The following USP13 variants were observed in gnomAD, a reference collection of about 807,000 sequenced individuals.
USP13 encodes the protein ubiquitin specific peptidase 13.
USP13 carries 68 observed loss-of-function variants against 107.8 expected under a neutral mutation model. The observed-to-expected ratio is 0.63, with a 90% CI of 0.52 to 0.77. The LOEUF is 0.77. Ranked by LOEUF, USP13 falls within the 30% of genes least tolerant of loss-of-function variation. USP13 has a pLI of 0.00. For synonymous variants in USP13, 377 were observed against 389.5 expected, an observed-to-expected ratio of 0.97 and a Z score of 0.38; for missense variants, 945 against 1,093.3, an observed-to-expected ratio of 0.86 and a Z score of 1.91.
chr3:179,745,316 T>C, intron 13 of USP13, 99 bp downstream of exon 13: 2 of 1,437,772 alleles, frequency 1.4e-6, no homozygotes, highest in Admixed American at 4.1e-5. Flanking sequence ...TGTGTCTGTG[T>C]GTGTTTGTTC....
Position 179,653,325 on chromosome 3 carries a change from A to G in USP13, c.100A>G (p.Thr34Ala). Residue 34 changes from threonine (T) to alanine (A), a missense_variant, in exon 1 of 21, where the codon ACG becomes GCG. By Grantham distance (58) the Thr-to-Ala change is moderately conservative. Coordinates refer to ENST00000263966, the MANE Select transcript of USP13 (RefSeq NM_003940.3). The surrounding 1 kb of genome is among the most constrained non-coding windows in gnomAD (Gnocchi z 4.0). ...IGELLVPHMP[T>A]IRVPRSGDRV... ...CGAGCTGCTAGTGCCCCACATGCCC[A>G]CGATCCGCGTGCCCAGGTCCGGCGA... 1.3e-6 allele frequency: 2 copies of G among 1,578,672 alleles called. No individual in the cohort carries two copies. The highest frequency in any genetic ancestry group is 1.7e-6 in the Non-Finnish European group (2 of 1,162,758).
At chr3:179,730,816 A>G in intron 10 of USP13, 107 bp downstream of exon 10, 1 of 986,300 alleles carries the variant, frequency 1.0e-6, no homozygotes, top group Non-Finnish European at 1.6e-6. Flanking sequence ...GCAAGCTGTC[A>G]GAATAGTAAT....
intron 19 of USP13, among the ~76,000 whole-genome samples, chr3:179,768,540 G>GGATATAAA (rs1715250799): frequency 1.3e-5 from 2 of 152,174 alleles, no homozygotes; most frequent in Admixed American, 6.5e-5. Context: ...AAGATATGCA[G>GGATATAAA]GATATAAAGG....
intron 1 of USP13, among the ~76,000 whole-genome samples, chr3:179,676,133 G>T (rs759074752): frequency 1.3e-5 from 2 of 152,188 alleles, no homozygotes; most frequent in Non-Finnish European, 1.5e-5. Context: ...CCTTCCAGCC[G>T]CCCTGTGAAG....
At chr3:179,661,332 C>T (rs752182944) in intron 1 of USP13, among the ~76,000 whole-genome samples, 4 of 152,160 alleles carry the variant, frequency 2.6e-5, no homozygotes, top group Non-Finnish European at 5.9e-5. Flanking sequence ...TTAATTTTAG[C>T]TCAACCATAG....
chr3:179,682,385 GCTTC>G (rs143666628), intron 2 of USP13, among the ~76,000 whole-genome samples: 95,689 of 151,516 alleles, frequency 0.63, 31,504 homozygotes, highest in Admixed American at 0.74. Flanking sequence ...AAGAAATAGA[GCTTC>G]CTTAAAAATT....
At chr3:179,687,089 C>T (rs967184784) in intron 2 of USP13, among the ~76,000 whole-genome samples, 8 of 152,216 alleles carry the variant, frequency 5.3e-5, no homozygotes, top group Non-Finnish European at 1.2e-4. Context: ...ATTAATATCT[C>T]TCTGGAGGTG....
At chr3:179,730,521 C>G in intron 9 of USP13, 95 bp from the exon 10 acceptor site, 1 of 1,035,968 alleles carries the variant, frequency 9.7e-7, no homozygotes, top group Non-Finnish European at 1.4e-6. Context: ...CTCCACCTAA[C>G]AGCAGTTGTA....
intron 13 of USP13, among the ~76,000 whole-genome samples, chr3:179,750,326 G>GTGTATATATATATATATATATATA (rs1553797370): frequency 4.0e-5 from 3 of 75,828 alleles, no homozygotes; most frequent in African/African-American, 1.2e-4. Context: ...ATATATGTGT[G>GTGTATATATATATATATATATATA]TATATATATA....
chr3:179,775,505 G>A (rs1021934762), intron 19 of USP13, among the ~76,000 whole-genome samples: 23 of 152,268 alleles, frequency 1.5e-4, no homozygotes, highest in East Asian at 3.8e-4. Context: ...CGCCAGTTCC[G>A]CGCCACGCGC....
chr3:179,730,193 G>A lies in USP13; in HGVS notation c.1093G>A (p.Val365Ile). 1 of 1,613,196 alleles carries A rather than the reference G, an allele frequency of 6.2e-7. No individual in the cohort carries two copies. The highest frequency in any genetic ancestry group is 8.5e-7 in the Non-Finnish European group (1 of 1,179,628). The change falls in exon 9 of 21, where the codon GTA becomes ATA. Residue 365 changes from valine (V) to isoleucine (I), a missense_variant. By Grantham distance (29) the Val-to-Ile change is conservative. Transcript: ENST00000263966. Reference protein sequence around the residue: ...FSIPEFQRAYVGNLPRIFDYS... With the variant: ...FSIPEFQRAYIGNLPRIFDYS... ...CTATTGCCTCTCATTTTCTAGGTAT[G>A]TAGGAAACCTTCCCAGAATATTTGA...
chr3:179,688,313 C>G (rs947566179), intron 2 of USP13, among the ~76,000 whole-genome samples: 1 of 152,186 alleles, frequency 6.6e-6, no homozygotes, highest in Non-Finnish European at 1.5e-5. Context: ...CACCCTTTTC[C>G]TCAAATGAAC....
At chr3:179,666,636 T>C (rs1020615645) in intron 1 of USP13, among the ~76,000 whole-genome samples, 2 of 152,154 alleles carry the variant, frequency 1.3e-5, no homozygotes, top group Non-Finnish European at 2.9e-5. Context: ...CTGAAACCTC[T>C]CTCCTGCCCC....
chr3:179,755,146 A>G (rs539253462), intron 15 of USP13, among the ~76,000 whole-genome samples: 45 of 152,316 alleles, frequency 3.0e-4, no homozygotes, highest in Admixed American at 2.4e-3. Flanking sequence ...CCTTTGGACA[A>G]CCTAAAGGGG....
chr3:179,680,621 C>A (rs984579025), intron 1 of USP13, among the ~76,000 whole-genome samples: 5 of 152,074 alleles, frequency 3.3e-5, no homozygotes, highest in African/African-American at 1.2e-4. Flanking sequence ...TAGCTCACTG[C>A]AACCTCCACC....
intron 15 of USP13, 62 bp downstream of exon 15, chr3:179,754,916 C>G: frequency 6.6e-7 from 1 of 1,514,286 alleles, no homozygotes; most frequent in Non-Finnish European, 8.9e-7. Context: ...GGAACAGTCT[C>G]TTTCTTCCAC....
chr3:179,698,108 G>T lies in USP13; in HGVS notation c.356-2900G>T, dbSNP rs1576933208. 2.0e-5 allele frequency among the ~76,000 whole-genome samples: 3 copies of T among 152,142 alleles called. No homozygotes were observed. The South Asian group carries it at 6.2e-4, about 32-fold the overall frequency. ...TAGTGTGTGCCAGGCACAGTACAGG[G>T]GCTAGGAACATAGGAGGTAAGACTC... On this transcript the variant is annotated intron_variant, in intron 3 of 20. Coordinates refer to ENST00000263966, the MANE Select transcript of USP13 (RefSeq NM_003940.3).
In USP13 at chr3:179,754,823, C is replaced by T; in HGVS notation, c.1890C>T (p.Ser630=). ...QPGEEELPDI[S]PPIVIPDDSK... ...GAGAGGAAGAACTTCCAGACATCAGCCCCCCCATAGTCATTCCTGATGACT... is the reference window on the plus strand; with the variant it reads ...GAGAGGAAGAACTTCCAGACATCAGTCCCCCCATAGTCATTCCTGATGACT... Residue 630 remains serine, a synonymous_variant, in exon 15 of 21, where the codon AGC becomes AGT. Transcript: ENST00000263966. The T allele has an allele frequency of 1.9e-6, 3 of 1,612,362 alleles. No individual in the cohort carries two copies. Among genetic ancestry groups the T allele is most frequent in the Non-Finnish European group, 2.5e-6 (3 of 1,179,332 alleles).
intron 13 of USP13, among the ~76,000 whole-genome samples, chr3:179,746,052 G>A (rs899608408): frequency 3.3e-5 from 5 of 151,654 alleles, no homozygotes; most frequent in Non-Finnish European, 7.4e-5. Context: ...GTTTTGCTAC[G>A]TTCAGATATT....
Sources: allele counts gnomAD v4.1 joint callset (sites outside exome capture counted in the v4.1 genomes callset), GRCh38; gene constraint gnomAD v4.1.1; non-coding constraint Gnocchi (gnomAD v3.1); transcripts MANE v1.5; gene names NCBI Gene and HGNC (gene_info 2026-07-23, HGNC 2026-07-21).